The following RAB7A variants were observed in gnomAD, a reference collection of about 807,000 sequenced individuals.
RAB7A encodes RAB7A, member RAS oncogene family.
Under a neutral mutation model 24.5 loss-of-function variants are expected in RAB7A, and 2 were observed. That is an observed-to-expected ratio of 0.08 (90% CI 0.03 to 0.26). The LOEUF (loss-of-function observed/expected upper bound fraction) is 0.26, where lower values mean the gene tolerates loss of function less well. RAB7A is among the 10% of genes least tolerant of loss of function. The probability of loss-of-function intolerance (pLI) is 1.00; values close to 1 mark genes in which losing one functional copy is unlikely to be tolerated. For synonymous variants in RAB7A, 100 were observed against 95.9 expected (o/e 1.04, Z -0.25); for missense variants, 118 against 255.7 (o/e 0.46, Z 3.67).
intron 1 of RAB7A, among the ~76,000 whole-genome samples, chr3:128,757,020 T>C (rs2070735133): frequency 6.6e-6 from 1 of 152,060 alleles, no homozygotes; most frequent in South Asian, 2.1e-4. Flanking sequence ...ATTTTTGTAT[T>C]TTTTAGTAGA....
At chr3:128,776,781 C>T (rs931373471) in intron 1 of RAB7A, among the ~76,000 whole-genome samples, 6 of 152,114 alleles carry the variant, frequency 3.9e-5, no homozygotes, top group African/African-American at 7.2e-5. Context: ...TACTGTTTTC[C>T]ATAATGGCTG....
rs942989302 is a variant in RAB7A at position 128,814,365 on chromosome 3, T to C, written c.*943T>C. 1 of 152,704 alleles carries C rather than the reference T, an allele frequency of 6.5e-6. No individual in the cohort carries two copies. The highest frequency in any genetic ancestry group is 2.4e-5 in the African/African-American group (1 of 41,472). 9.5% of individuals were successfully genotyped at this position (152,704 alleles called of 1,614,324 possible). On this transcript the variant is annotated 3_prime_UTR_variant, in exon 6 of 6. Transcript: ENST00000265062. ...TTGCATAATACAGTGGTATGTGCAA[T>C]GGATAAATTGCCGTTATTTCAAAAA...
chr3:128,740,755 TA>T (rs1305279929), intron 1 of RAB7A, among the ~76,000 whole-genome samples: 23 of 147,954 alleles, frequency 1.6e-4, no homozygotes, highest in African/African-American at 5.2e-4. Context: ...AAAAAAAAAA[TA>T]GCTGGGTGTG....
At chr3:128,764,435 C>T (rs2070807227) in intron 1 of RAB7A, 1 of 747,760 alleles carries the variant, frequency 1.3e-6, no homozygotes, top group Admixed American at 1.8e-5. Flanking sequence ...AGGGAATTCG[C>T]CCCATGGCTA....
intron 5 of RAB7A, among the ~76,000 whole-genome samples, chr3:128,812,453 T>G (rs1391806731): frequency 1.3e-5 from 2 of 152,212 alleles, no homozygotes; most frequent in Non-Finnish European, 2.9e-5. Context: ...CCTAGATGTT[T>G]TATACTTTTA....
At chr3:128,762,556 G>A (rs1418125665) in intron 1 of RAB7A, among the ~76,000 whole-genome samples, 2 of 152,160 alleles carry the variant, frequency 1.3e-5, no homozygotes, top group African/African-American at 4.8e-5. Context: ...ATCTCAGTGA[G>A]TATTGAGTGC....
chr3:128,783,233 C>T (rs900893575), intron 1 of RAB7A, among the ~76,000 whole-genome samples: 2 of 140,428 alleles, frequency 1.4e-5, no homozygotes, highest in African/African-American at 5.4e-5. Context: ...AAACACACAC[C>T]TCCCACCTGC....
At chr3:128,789,757 A>G (rs908220202) in intron 1 of RAB7A, among the ~76,000 whole-genome samples, 10 of 151,608 alleles carry the variant, frequency 6.6e-5, no homozygotes, top group Non-Finnish European at 1.5e-5. Context: ...AGCTTCTTGT[A>G]GCAAAAGTTG....
At chr3:128,761,466 C>G (rs892372925) in intron 1 of RAB7A, among the ~76,000 whole-genome samples, 3 of 152,148 alleles carry the variant, frequency 2.0e-5, no homozygotes, top group Non-Finnish European at 4.4e-5. Context: ...TCTCCTTAAA[C>G]CAAGCTTGAG....
chr3:128,796,290 C>A lies in RAB7A; in HGVS notation c.53+870C>A, dbSNP rs1451494033. On this transcript the variant is annotated intron_variant, in intron 2 of 5. Coordinates refer to ENST00000265062, the MANE Select transcript of RAB7A (RefSeq NM_004637.6). ...ATTGCTTGAGCCCAGGAGTTGGAGA[C>A]CTGTCTCTACAAAAAAAATTTAGCC... 2.0e-5 allele frequency among the ~76,000 whole-genome samples: 3 copies of A among 152,046 alleles called. No individual in the cohort carries two copies. In the East Asian group the frequency reaches 5.8e-4, roughly 30 times the overall value.
At chr3:128,790,172 G>T (rs1933426644) in intron 1 of RAB7A, among the ~76,000 whole-genome samples, 1 of 152,144 alleles carries the variant, frequency 6.6e-6, no homozygotes, top group African/African-American at 2.4e-5. Context: ...TTTAACTTTT[G>T]CCAGTTTAAA....
chr3:128,729,268 A>G (rs909765427), intron 1 of RAB7A, among the ~76,000 whole-genome samples: 1 of 151,996 alleles, frequency 6.6e-6, no homozygotes, highest in African/African-American at 2.4e-5. Flanking sequence ...TGGTTATTTG[A>G]TTAGCTTTTA....
intron 1 of RAB7A, among the ~76,000 whole-genome samples, chr3:128,736,738 C>T (rs2070493264): frequency 1.3e-5 from 2 of 151,968 alleles, no homozygotes; most frequent in African/African-American, 4.8e-5. Flanking sequence ...ACAGGAATGA[C>T]ACATTATTTC....
intron 1 of RAB7A, among the ~76,000 whole-genome samples, chr3:128,727,212 C>T (rs965839702): frequency 2.0e-5 from 3 of 152,138 alleles, no homozygotes; most frequent in African/African-American, 7.2e-5. Flanking sequence ...TTTGAACAAC[C>T]CTCTGAAGTA....
At chr3:128,798,915 C>G (rs924040570) in intron 3 of RAB7A, 18 of 291,652 alleles carry the variant, frequency 6.2e-5, no homozygotes, top group Non-Finnish European at 1.1e-4. Context: ...CTGAGGTTGT[C>G]AGTACAACCT....
At chr3:128,737,462 G>C (rs1381394505) in intron 1 of RAB7A, among the ~76,000 whole-genome samples, 1 of 149,470 alleles carries the variant, frequency 6.7e-6, no homozygotes, top group Admixed American at 6.8e-5. Flanking sequence ...TCCCACCTCA[G>C]CCTCCCAAGT....
chr3:128,764,359 A>T, intron 1 of RAB7A: 2 of 625,642 alleles, frequency 3.2e-6, no homozygotes, highest in Non-Finnish European at 5.7e-6. Context: ...ACTTAAGTGG[A>T]TGTTTTGGCA....
At chr3:128,809,397 T>A (rs1933871248) in intron 5 of RAB7A, among the ~76,000 whole-genome samples, 2 of 152,208 alleles carry the variant, frequency 1.3e-5, no homozygotes, top group Admixed American at 1.3e-4. Flanking sequence ...GCCACCATCG[T>A]GACTACTGGT....
chr3:128,805,400 G>A (rs1179226831), intron 3 of RAB7A, among the ~76,000 whole-genome samples: 12 of 152,048 alleles, frequency 7.9e-5, no homozygotes, highest in Non-Finnish European at 7.4e-5. Flanking sequence ...ATGTTCGTCC[G>A]GCTCTGTTTG....
Sources: gnomAD v4.1 joint callset for allele counts (sites outside exome capture counted in the v4.1 genomes callset) on GRCh38, gnomAD v4.1.1 for gene constraint, MANE v1.5 for transcripts, NCBI Gene and HGNC (gene_info 2026-07-23, HGNC 2026-07-21) for gene names.